The following CARMIL1 variants were observed in gnomAD, a reference collection of about 807,000 sequenced individuals.
CARMIL1 encodes F-actin-uncapping protein LRRC16A.
In CARMIL1, 90 loss-of-function variants were observed where a neutral mutation model predicts 177.1. That is an observed-to-expected ratio of 0.51 (90% CI 0.43 to 0.61). The LOEUF (loss-of-function observed/expected upper bound fraction) is 0.61. Ranked by LOEUF, CARMIL1 falls within the 20% of genes least tolerant of loss-of-function variation. CARMIL1 has a pLI of 0.00. For missense variants in CARMIL1, 1,380 were observed against 1,667.0 expected, an observed-to-expected ratio of 0.83 and a Z score of 3.00; for synonymous variants, 577 against 606.2, an observed-to-expected ratio of 0.95 and a Z score of 0.71.
intron 20 of CARMIL1, among the ~76,000 whole-genome samples, chr6:25,512,936 G>T (rs1427783015): frequency 6.6e-6 from 1 of 152,126 alleles, no homozygotes; most frequent in Non-Finnish European, 1.5e-5. Context: ...CTATGAAAAA[G>T]AAATAGTAAG....
chr6:25,380,441 C>T (rs935489187), intron 2 of CARMIL1, among the ~76,000 whole-genome samples: 14 of 152,172 alleles, frequency 9.2e-5, no homozygotes, highest in South Asian at 4.1e-4. Flanking sequence ...AAGCAATAGA[C>T]AGTGGGTCAG....
At chr6:25,551,454 G>A (rs1056846205) in intron 27 of CARMIL1, among the ~76,000 whole-genome samples, 15 of 152,094 alleles carry the variant, frequency 9.9e-5, no homozygotes, top group African/African-American at 3.1e-4. Context: ...CATACACTGT[G>A]AACAAATGCA....
chr6:25,502,121 G>A (rs1486870626), intron 17 of CARMIL1, among the ~76,000 whole-genome samples: 1 of 150,912 alleles, frequency 6.6e-6, no homozygotes, highest in Non-Finnish European at 1.5e-5. Context: ...ACCAAATCTG[G>A]TAATATTAAT....
intron 2 of CARMIL1, among the ~76,000 whole-genome samples, chr6:25,375,715 T>C (rs1790903414): frequency 6.6e-6 from 1 of 152,232 alleles, no homozygotes; most frequent in Non-Finnish European, 1.5e-5. Context: ...TCTGGGTTAA[T>C]TTGAAAGGCT....
chr6:25,379,817 C>A (rs1454659111), intron 2 of CARMIL1, among the ~76,000 whole-genome samples: 2 of 152,114 alleles, frequency 1.3e-5, no homozygotes, highest in Non-Finnish European at 2.9e-5. Flanking sequence ...TCTGCCATTT[C>A]TTTTTCTTTA....
rs139647868 is a variant in CARMIL1 at position 25,519,378 on chromosome 6, A to G, written c.1875-866A>G. Among the ~76,000 whole-genome samples, 443 of 152,294 alleles carry G rather than the reference A, an allele frequency of 2.9e-3. 5 individuals are homozygous for G. The highest frequency in any genetic ancestry group is 9.6e-3 in the African/African-American group (401 of 41,572). The stretch of plus-strand genomic sequence containing the variant: ...GACAGAAGTCATCTCTAATACTGGC[A>G]TTTGTGGTAGGTGAGCAGGTGTTAA... On this transcript the variant is annotated intron_variant, in intron 22 of 36. Coordinates refer to ENST00000329474, the MANE Select transcript of CARMIL1 (RefSeq NM_017640.6).
At chr6:25,480,869 C>T (rs1461825716) in intron 11 of CARMIL1, among the ~76,000 whole-genome samples, 13 of 151,166 alleles carry the variant, frequency 8.6e-5, no homozygotes, top group Admixed American at 3.3e-4. Flanking sequence ...TACCCGCGCC[C>T]GCCACCACGC....
intron 2 of CARMIL1, among the ~76,000 whole-genome samples, chr6:25,298,700 G>C (rs1234330653): frequency 6.6e-6 from 1 of 150,998 alleles, no homozygotes; most frequent in African/African-American, 2.4e-5. Context: ...GGGCACTGCT[G>C]TCTGTTGCTG....
intron 2 of CARMIL1, among the ~76,000 whole-genome samples, chr6:25,329,572 G>T (rs1203389293): frequency 6.6e-6 from 1 of 152,230 alleles, no homozygotes; most frequent in Admixed American, 6.5e-5. Context: ...AGCAAAGTCT[G>T]TCTAGTAAGT....
chr6:25,442,781 G>A (rs1453097021), intron 5 of CARMIL1, among the ~76,000 whole-genome samples: 2 of 152,200 alleles, frequency 1.3e-5, no homozygotes, highest in South Asian at 2.1e-4. Flanking sequence ...AAAAGGCCCC[G>A]CTGGACACGT....
At chr6:25,477,099 A>C (rs1223165541) in intron 11 of CARMIL1, among the ~76,000 whole-genome samples, 2 of 151,652 alleles carry the variant, frequency 1.3e-5, no homozygotes, top group Non-Finnish European at 2.9e-5. Flanking sequence ...AAAAAAAAAA[A>C]AAACAAAAAA....
intron 33 of CARMIL1, among the ~76,000 whole-genome samples, chr6:25,601,210 TA>T (rs2151308202): frequency 6.6e-6 from 1 of 152,336 alleles, no homozygotes; most frequent in African/African-American, 2.4e-5. Context: ...AACTTATTGC[TA>T]AAGAACCTGG....
intron 2 of CARMIL1, among the ~76,000 whole-genome samples, chr6:25,402,316 AT>A (rs1202863054): frequency 6.6e-6 from 1 of 152,188 alleles, no homozygotes; most frequent in Non-Finnish European, 1.5e-5. Context: ...AAGGAAGAAA[AT>A]CCCATTTTGA....
chr6:25,608,995 C>CT lies in CARMIL1; in HGVS notation c.3848-1045dup, dbSNP rs200166343. 7.7e-3 allele frequency among the ~76,000 whole-genome samples: 1,155 copies of CT among 149,648 alleles called. 6 individuals carry two copies. The highest frequency in any genetic ancestry group is 0.019 in the Admixed American group (278 of 15,002). On this transcript the variant is annotated intron_variant, in intron 35 of 36. Transcript: ENST00000329474. ...TGCTGACACTAACAATAGCTGATTACTTTTTTTTTTAAAGCAAAACAATCT... is the reference window on the plus strand; with the variant it reads ...TGCTGACACTAACAATAGCTGATTACTTTTTTTTTTTAAAGCAAAACAATCT...
chr6:25,610,900 A>G (rs1324182661), intron 36 of CARMIL1, among the ~76,000 whole-genome samples: 2 of 152,180 alleles, frequency 1.3e-5, no homozygotes, highest in African/African-American at 4.8e-5. Context: ...TATGTAATGT[A>G]TAGTGTAAAT....
intron 2 of CARMIL1, among the ~76,000 whole-genome samples, chr6:25,354,468 C>T (rs1194572224): frequency 5.3e-5 from 8 of 149,628 alleles, no homozygotes; most frequent in Admixed American, 2.7e-4. Flanking sequence ...AGTGAGCCAC[C>T]GTACTTGCCC....
chr6:25,435,752 CA>C (rs1462864649), intron 5 of CARMIL1, 148 bp downstream of exon 5: 2 of 1,010,860 alleles, frequency 2.0e-6, no homozygotes, highest in Non-Finnish European at 1.4e-6. Flanking sequence ...AAACCCTTAT[CA>C]AAACCCTTGT....
chr6:25,491,683 ATG>A, intron 13 of CARMIL1, 47 bp from the exon 14 acceptor site: 1 of 1,165,780 alleles, frequency 8.6e-7, no homozygotes, highest in Non-Finnish European at 1.2e-6. Context: ...CATTGTGTGT[ATG>A]TGTGTGTTTC....
chr6:25,608,836 C>T (rs1256081539), intron 35 of CARMIL1, among the ~76,000 whole-genome samples: 1 of 152,074 alleles, frequency 6.6e-6, no homozygotes, highest in African/African-American at 2.4e-5. Context: ...CACAGACACT[C>T]ACACGCCAAC....
Sources: gnomAD v4.1 joint callset for allele counts (sites outside exome capture counted in the v4.1 genomes callset) on GRCh38, gnomAD v4.1.1 for gene constraint, MANE v1.5 for transcripts, NCBI Gene and HGNC (gene_info 2026-07-23, HGNC 2026-07-21) for gene names.